Variants in COL5A2 observed in about 807,000 individuals in gnomAD.
COL5A2 encodes the protein collagen type V alpha 2 chain.
In COL5A2, 23 loss-of-function variants were observed where a neutral mutation model predicts 208.2. The observed-to-expected ratio is 0.11, with a 90% CI of 0.08 to 0.16. The LOEUF is 0.16. COL5A2 is among the 10% of genes least tolerant of loss of function. COL5A2 has a pLI of 1.00. For missense variants in COL5A2, 1,590 were observed against 1,956.4 expected (o/e 0.81, Z 3.53); for synonymous variants, 625 against 628.5 (o/e 0.99, Z 0.08).
chr2:189,188,122 A>G (rs1688878384), intron 1 of COL5A2, among the ~76,000 whole-genome samples: 1 of 152,290 alleles, frequency 6.6e-6, no homozygotes, highest in African/African-American at 2.4e-5. Flanking sequence ...TGTGGTTTAC[A>G]TAATTTCATC....
intron 1 of COL5A2, among the ~76,000 whole-genome samples, chr2:189,166,763 G>T (rs575412805): frequency 6.6e-6 from 1 of 152,286 alleles, no homozygotes; most frequent in African/African-American, 2.4e-5. Context: ...CTCGTGGCGA[G>T]AAAATATTGA....
the COL5A2 span, among the ~76,000 whole-genome samples, chr2:189,346,351 G>T: frequency 1.5e-4 from 23 of 152,056 alleles, no homozygotes; most frequent in Non-Finnish European, 3.1e-4. Flanking sequence ...AAACCTAACT[G>T]GAACTCCAGG....
At chr2:189,222,470 T>C (rs1195855137) in intron 1 of COL5A2, among the ~76,000 whole-genome samples, 1 of 152,200 alleles carries the variant, frequency 6.6e-6, no homozygotes, top group African/African-American at 2.4e-5. Context: ...CTCCAACCCT[T>C]GTACGTCAAT....
intron 1 of COL5A2, among the ~76,000 whole-genome samples, chr2:189,147,684 T>C (rs1242648494): frequency 6.6e-6 from 1 of 152,080 alleles, no homozygotes; most frequent in East Asian, 1.9e-4. Context: ...ATTCAAATAC[T>C]GAGGGCTTCC....
intron 1 of COL5A2, among the ~76,000 whole-genome samples, chr2:189,112,913 T>C (rs982405067): frequency 4.6e-5 from 7 of 152,198 alleles, no homozygotes; most frequent in African/African-American, 1.7e-4. Flanking sequence ...AATGGGCTTA[T>C]GTCTATAGTT....
chr2:189,068,314 T>C (rs1686198806), intron 19 of COL5A2, 44 bp from the exon 20 acceptor site: 2 of 1,487,288 alleles, frequency 1.3e-6, no homozygotes, highest in Non-Finnish European at 1.9e-6. Context: ...TTAAGCAATA[T>C]ATAGATACAA....
At chr2:189,154,977 ATTAT>A (rs1326520232) in intron 1 of COL5A2, among the ~76,000 whole-genome samples, 7 of 152,012 alleles carry the variant, frequency 4.6e-5, no homozygotes, top group African/African-American at 1.4e-4. Flanking sequence ...ATCCTGACAG[ATTAT>A]TTATTTATTT....
At chr2:189,381,005 T>C in the COL5A2 span, among the ~76,000 whole-genome samples, 4 of 151,920 alleles carry the variant, frequency 2.6e-5, no homozygotes, top group African/African-American at 7.2e-5. Flanking sequence ...GAAAATGAAA[T>C]TCATTTAAAT....
At chr2:189,271,513 TAG>T in the COL5A2 span, among the ~76,000 whole-genome samples, 1 of 152,140 alleles carries the variant, frequency 6.6e-6, no homozygotes, top group Non-Finnish European at 1.5e-5. Flanking sequence ...TAACTCAAGA[TAG>T]ATTAAAGACT....
the COL5A2 span, among the ~76,000 whole-genome samples, chr2:189,245,615 G>T: frequency 6.6e-6 from 1 of 151,710 alleles, no homozygotes; most frequent in African/African-American, 2.4e-5. Context: ...CTCCCGAGTA[G>T]CTGGGACTAC....
At chr2:189,231,523 T>C in the COL5A2 span, among the ~76,000 whole-genome samples, 51 of 151,628 alleles carry the variant, frequency 3.4e-4, no homozygotes, top group Admixed American at 3.4e-3. Flanking sequence ...TCCACAACAT[T>C]GCGTTTAAGG....
At chr2:189,246,849 G>A in the COL5A2 span, among the ~76,000 whole-genome samples, 1 of 152,164 alleles carries the variant, frequency 6.6e-6, no homozygotes, top group East Asian at 1.9e-4. Flanking sequence ...CTGAAGAAGT[G>A]TTTGAAGCCA....
At chr2:189,433,506 A>C in the COL5A2 span, among the ~76,000 whole-genome samples, 3 of 152,226 alleles carry the variant, frequency 2.0e-5, no homozygotes, top group Non-Finnish European at 4.4e-5. Flanking sequence ...GGATGTCACC[A>C]CCAATCCCAC....
the COL5A2 span, among the ~76,000 whole-genome samples, chr2:189,430,064 C>T: frequency 6.6e-6 from 1 of 152,132 alleles, no homozygotes. Context: ...AAGTTGCTCT[C>T]AAAGAAGTAA....
the COL5A2 span, among the ~76,000 whole-genome samples, chr2:189,367,128 A>G: frequency 1.3e-5 from 2 of 152,188 alleles, no homozygotes; most frequent in African/African-American, 4.8e-5. Context: ...TTCCAATGAC[A>G]TTCTGGAGGT....
At chr2:189,082,228 G>A (rs1686549750) in intron 12 of COL5A2, among the ~76,000 whole-genome samples, 1 of 152,152 alleles carries the variant, frequency 6.6e-6, no homozygotes, top group Admixed American at 6.5e-5. Flanking sequence ...ATTTCTAAAT[G>A]GTTGAATAAG....
chr2:189,137,373 G>A (rs1687846618), intron 1 of COL5A2, among the ~76,000 whole-genome samples: 1 of 152,184 alleles, frequency 6.6e-6, no homozygotes, highest in Non-Finnish European at 1.5e-5. Flanking sequence ...CATGTTACTT[G>A]ATGAAGTCAT....
intron 2 of COL5A2, among the ~76,000 whole-genome samples, chr2:189,106,573 T>G (rs898553961): frequency 6.6e-6 from 1 of 151,340 alleles, no homozygotes; most frequent in African/African-American, 2.4e-5. Flanking sequence ...CTTTTTAGAG[T>G]TTTGAAACCT....
chr2:189,092,553 G>A, intron 6 of COL5A2, 133 bp from the exon 7 acceptor site: 10 of 706,082 alleles, frequency 1.4e-5, no homozygotes, highest in Non-Finnish European at 2.3e-5. Flanking sequence ...GCCACTTAGA[G>A]TAATTTCATC....
Sources: gnomAD v4.1 joint callset for allele counts (sites outside exome capture counted in the v4.1 genomes callset) on GRCh38, gnomAD v4.1.1 for gene constraint, MANE v1.5 for transcripts, NCBI Gene and HGNC (gene_info 2026-07-23, HGNC 2026-07-21) for gene names.